SORL1: variants seen among roughly 807,000 people sequenced by gnomAD.
SORL1 encodes the protein sortilin-related receptor.
Under a neutral mutation model 273.7 loss-of-function variants are expected in SORL1, and 127 were observed. That is an observed-to-expected ratio of 0.46 (90% CI 0.40 to 0.54). The LOEUF (loss-of-function observed/expected upper bound fraction) is 0.54. SORL1 is among the 20% of genes least tolerant of loss of function. The probability of loss-of-function intolerance (pLI) is 0.00; values close to 1 mark genes in which losing one functional copy is unlikely to be tolerated. For synonymous variants in SORL1, 1,031 were observed against 1,067.4 expected (o/e 0.97, Z 0.66); for missense variants, 2,494 against 2,846.1 (o/e 0.88, Z 2.81).
chr11:121,608,330 T>A, intron 38 of SORL1, 154 bp downstream of exon 38: 1 of 646,132 alleles, frequency 1.5e-6, no homozygotes, highest in African/African-American at 1.8e-5. Context: ...GGTGTCTCTG[T>A]AGTGCTTTAG....
chr11:121,471,322 G>C (rs1861163401), intron 2 of SORL1, among the ~76,000 whole-genome samples: 1 of 152,228 alleles, frequency 6.6e-6, no homozygotes, highest in Admixed American at 6.5e-5. Flanking sequence ...GGAGTTTCAT[G>C]TGAAAACTGC....
chr11:121,540,051 A>G (rs1862324101), intron 12 of SORL1, among the ~76,000 whole-genome samples: 2 of 152,332 alleles, frequency 1.3e-5, no homozygotes, highest in Admixed American at 6.5e-5. Context: ...ACTACTGGCT[A>G]TGAGAATTAC....
intron 34 of SORL1, 41 bp from the exon 35 acceptor site, chr11:121,605,361 C>T: frequency 6.3e-7 from 1 of 1,592,510 alleles, no homozygotes; most frequent in Non-Finnish European, 8.6e-7. Flanking sequence ...GCCCCCCATG[C>T]TGCTCCAGTG....
chr11:121,497,855 C>G (rs530203477), intron 6 of SORL1, among the ~76,000 whole-genome samples: 64 of 152,310 alleles, frequency 4.2e-4, no homozygotes, highest in African/African-American at 1.3e-3. Flanking sequence ...GGAGGTTACT[C>G]TGTTGTCTTT....
At chr11:121,542,743 C>T (rs147450439) in intron 12 of SORL1, among the ~76,000 whole-genome samples, 416 of 151,572 alleles carry the variant, frequency 2.7e-3, no homozygotes, top group Middle Eastern at 0.014. Context: ...ACACTTTCAC[C>T]GAATGGTTTT....
rs76484511 is a variant in SORL1, at chr11:121,513,637, C to T, written c.1042-515C>T. The stretch of plus-strand genomic sequence containing the variant: ...CATTAGAGGAGCTGCCACAGGGAGA[C>T]GGTCACAGTGAAACGTCTTGACATT... On this transcript the variant is annotated intron_variant, in intron 7 of 47. Coordinates refer to ENST00000260197, the MANE Select transcript of SORL1 (RefSeq NM_003105.6). Among the ~76,000 whole-genome samples the T allele has an allele frequency of 5.5e-3, 834 of 152,194 alleles. 3 individuals carry two copies. Among genetic ancestry groups the T allele is most frequent in the Non-Finnish European group, 8.8e-3 (596 of 68,026 alleles).
At chr11:121,507,817 G>A (rs942345351) in intron 6 of SORL1, among the ~76,000 whole-genome samples, 2 of 151,776 alleles carry the variant, frequency 1.3e-5, no homozygotes, top group African/African-American at 4.8e-5. Flanking sequence ...TTGTGTATAG[G>A]CTATACTTTG....
intron 38 of SORL1, 124 bp downstream of exon 38, chr11:121,608,300 C>G: frequency 1.3e-6 from 1 of 772,040 alleles, no homozygotes. Context: ...TTTCTTCTCC[C>G]CAACACACGC....
intron 32 of SORL1, among the ~76,000 whole-genome samples, chr11:121,601,912 C>G (rs1268086093): frequency 1.3e-5 from 2 of 152,296 alleles, no homozygotes; most frequent in African/African-American, 2.4e-5. Flanking sequence ...CATAGTCTCT[C>G]CCTGGCAATC....
Position 121,629,673 on chromosome 11 carries a change from TG to T in SORL1, c.*113del, listed in dbSNP as rs1863846998. ...TGAGTTGCAATATGTTATTTTTATA[TG>T]GGCCAAAAACAAAAAACAAAAAAAA... is the stretch of plus-strand genomic sequence containing the variant. On this transcript the variant is annotated 3_prime_UTR_variant, in exon 48 of 48. Transcript: ENST00000260197. The T allele has an allele frequency of 3.6e-6, 2 of 556,970 alleles. No homozygotes were observed. Among genetic ancestry groups the T allele is most frequent in the Admixed American group, 6.3e-5 (2 of 31,626 alleles). 34.5% of individuals were successfully genotyped at this position (556,970 alleles called of 1,614,324 possible).
intron 5 of SORL1, among the ~76,000 whole-genome samples, chr11:121,493,187 C>T (rs1861581379): frequency 6.6e-6 from 1 of 152,042 alleles, no homozygotes; most frequent in Non-Finnish European, 1.5e-5. Context: ...CCTATGTTTC[C>T]CAGGCTGATC....
chr11:121,580,010 A>G (rs1354854557), intron 25 of SORL1, among the ~76,000 whole-genome samples: 3 of 151,870 alleles, frequency 2.0e-5, no homozygotes, highest in Non-Finnish European at 4.4e-5. Context: ...TTTTGTGTTG[A>G]TTTGAATTCT....
intron 2 of SORL1, among the ~76,000 whole-genome samples, chr11:121,472,229 G>A (rs1281906767): frequency 1.3e-5 from 2 of 152,156 alleles, no homozygotes; most frequent in African/African-American, 4.8e-5. Flanking sequence ...CCTGCCCATG[G>A]GCATATCCCT....
At chr11:121,475,658 A>G (rs896511568) in intron 2 of SORL1, among the ~76,000 whole-genome samples, 8 of 152,244 alleles carry the variant, frequency 5.3e-5, no homozygotes, top group Non-Finnish European at 1.5e-5. Flanking sequence ...AGAAACGTTA[A>G]GATGGAGAAG....
chr11:121,625,137 G>C lies in SORL1; in HGVS notation c.6224G>C (p.Gly2075Ala), dbSNP rs143554336. The change falls in exon 46 of 48, where the codon GGG (glycine) becomes GCG (alanine). Residue 2075 changes from glycine (G) to alanine (A), a missense_variant. Transcript: ENST00000260197. ...DSAMNITAYL[G>A]NTTDNFFKIS... ...GCCATGAATATCACAGCTTACCTTG[G>C]GAATACTACTGACAATTTCTTTAAA... 4.6e-5 allele frequency: 74 copies of C among 1,613,382 alleles called. No homozygotes were observed. The highest frequency in any genetic ancestry group is 3.5e-4 in the Admixed American group (21 of 59,996).
chr11:121,527,401 A>T (rs1461835943), intron 11 of SORL1, among the ~76,000 whole-genome samples: 2 of 152,074 alleles, frequency 1.3e-5, no homozygotes, highest in Non-Finnish European at 2.9e-5. Flanking sequence ...TGATTTGCTA[A>T]TATTTTGTTA....
At chr11:121,580,434 G>GT (rs1191568212) in intron 25 of SORL1, among the ~76,000 whole-genome samples, 3 of 151,458 alleles carry the variant, frequency 2.0e-5, no homozygotes, top group Admixed American at 6.6e-5. Context: ...ACATGGAGCT[G>GT]TTTTTTTTAT....
intron 18 of SORL1, among the ~76,000 whole-genome samples, chr11:121,556,620 A>G (rs1256664098): frequency 6.6e-6 from 1 of 152,152 alleles, no homozygotes; most frequent in Non-Finnish European, 1.5e-5. Context: ...CAACTCAAAT[A>G]CTGTTGGTGC....
At chr11:121,516,285 T>G (rs1861949672) in intron 8 of SORL1, among the ~76,000 whole-genome samples, 2 of 152,152 alleles carry the variant, frequency 1.3e-5, no homozygotes, top group African/African-American at 2.4e-5. Context: ...CTAGAGACGC[T>G]GGAAATGGTC....
Sources: gnomAD v4.1 joint callset for allele counts (sites outside exome capture counted in the v4.1 genomes callset) on GRCh38, gnomAD v4.1.1 for gene constraint, MANE v1.5 for transcripts, NCBI Gene and HGNC (gene_info 2026-07-23, HGNC 2026-07-21) for gene names.